The following ABHD6 variants were observed in gnomAD, a reference collection of about 807,000 sequenced individuals.
The protein encoded by ABHD6 is monoacylglycerol lipase ABHD6.
In ABHD6, 33 loss-of-function variants were observed where a neutral mutation model predicts 38.8. The ratio of observed to expected loss-of-function variants is 0.85; its 90% CI spans 0.64 to 1.14. The LOEUF (loss-of-function observed/expected upper bound fraction) is 1.14. Ranked by LOEUF, ABHD6 falls within the 50% of genes most tolerant of loss-of-function variation. ABHD6 has a pLI of 0.00. For synonymous variants in ABHD6, 147 were observed against 161.6 expected (o/e 0.91, Z 0.69); for missense variants, 380 against 422.6 (o/e 0.90, Z 0.88).
At position 58,238,512 on chromosome 3, in the gene ABHD6, C is replaced by G. The variant is rs2097420642; in HGVS notation, c.-91+596C>G. The G allele has an allele frequency of 6.6e-6, 1 of 152,472 alleles. No individual in the cohort carries two copies. The highest frequency in any genetic ancestry group is 1.5e-5 in the Non-Finnish European group (1 of 68,210). 9.4% of individuals were successfully genotyped at this position (152,472 alleles called of 1,614,324 possible). ...TCAGGATGCTGTCCAGCCAGGTACC[C>G]GCCGGCAACTTGCGGTCCCCCGCCT... On this transcript the variant is annotated intron_variant, in intron 1 of 9. Coordinates refer to ENST00000478253, the MANE Select transcript of ABHD6 (RefSeq NM_001320126.2). The surrounding 1 kb of genome is among the most constrained non-coding windows in gnomAD (Gnocchi z 6.9).
chr3:58,264,351 T>C (rs1483427748), intron 3 of ABHD6, among the ~76,000 whole-genome samples: 2 of 151,108 alleles, frequency 1.3e-5, no homozygotes, highest in Non-Finnish European at 2.9e-5. Flanking sequence ...GATTGCTTTC[T>C]TAGAAAGCCT....
chr3:58,247,765 G>T (rs540347193), intron 1 of ABHD6, among the ~76,000 whole-genome samples: 1 of 152,290 alleles, frequency 6.6e-6, no homozygotes, highest in Admixed American at 6.5e-5. Context: ...AGTGGAGTCA[G>T]GGTTTCACCG....
At chr3:58,253,142 G>A (rs1290729842) in intron 2 of ABHD6, among the ~76,000 whole-genome samples, 1 of 149,352 alleles carries the variant, frequency 6.7e-6, no homozygotes, top group African/African-American at 2.5e-5. Flanking sequence ...TGGCATTGTG[G>A]CAGGCACCGA....
intron 1 of ABHD6, among the ~76,000 whole-genome samples, chr3:58,244,387 T>A (rs2097424898): frequency 6.6e-6 from 1 of 152,204 alleles, no homozygotes; most frequent in Non-Finnish European, 1.5e-5. Flanking sequence ...AATGGCTTCT[T>A]TATGATAGCA....
At position 58,274,818 on chromosome 3, in the gene ABHD6, A is replaced by T; in HGVS notation, c.681+3A>T. The stretch of plus-strand genomic sequence containing the variant: ...TCCGCTTCAAGGTGCCCCAGCAGGT[A>T]ACGTGGTTGCAGCAGCGACACAACT... On this transcript the variant is annotated splice_donor_region_variant and intron_variant, in intron 7 of 9. Coordinates refer to ENST00000478253, the MANE Select transcript of ABHD6 (RefSeq NM_001320126.2). 1 of 1,612,670 alleles carries T rather than the reference A, an allele frequency of 6.2e-7. No individual in the cohort carries two copies. Among genetic ancestry groups the T allele is most frequent in the Non-Finnish European group, 8.5e-7 (1 of 1,179,198 alleles).
chr3:58,283,849 T>G (rs191491491), intron 7 of ABHD6, among the ~76,000 whole-genome samples: 259 of 152,332 alleles, frequency 1.7e-3, no homozygotes, highest in African/African-American at 6.0e-3. Flanking sequence ...GGTGGATAGC[T>G]GAACAAAGAA....
intron 7 of ABHD6, among the ~76,000 whole-genome samples, chr3:58,281,361 T>C (rs988756367): frequency 7.2e-5 from 11 of 152,174 alleles, no homozygotes; most frequent in African/African-American, 2.7e-4. Flanking sequence ...ACTGCTGTGC[T>C]AGCAGGGAGC....
chr3:58,269,176 A>T lies in ABHD6; in HGVS notation c.277-145A>T. 1.7e-6 allele frequency: 1 copy of T among 596,218 alleles called. No individual in the cohort carries two copies. The highest frequency in any genetic ancestry group is 3.1e-6 in the Non-Finnish European group (1 of 322,596). 36.9% of individuals were successfully genotyped at this position (596,218 alleles called of 1,614,324 possible). A position where few individuals can be genotyped will look rare whatever the true frequency, so the allele number is the denominator to read the frequency against. On this transcript the variant is annotated intron_variant, in intron 4 of 9. Coordinates refer to ENST00000478253, the MANE Select transcript of ABHD6 (RefSeq NM_001320126.2). The surrounding 1 kb of genome is among the most constrained non-coding windows in gnomAD (Gnocchi z 4.4). The stretch of plus-strand genomic sequence containing the variant: ...GGCTACTGGCAATGCTTATTCAATT[A>T]CTGGGGTAAAACACTGAGTGGCCAA...
rs11382919 is a variant in ABHD6, at chr3:58,265,003, A to ATT, written c.120-2179_120-2178dup. 3.3e-5 allele frequency among the ~76,000 whole-genome samples: 5 copies of ATT among 151,628 alleles called. No homozygotes were observed. Among genetic ancestry groups the ATT allele is most frequent in the South Asian group, 4.2e-4 (2 of 4,794 alleles). On this transcript the variant is annotated intron_variant, in intron 3 of 9. Coordinates refer to ENST00000478253, the MANE Select transcript of ABHD6 (RefSeq NM_001320126.2). The surrounding 1 kb of genome is among the most constrained non-coding windows in gnomAD (Gnocchi z 4.2). The stretch of plus-strand genomic sequence containing the variant: ...ATAGTAGGTCTTATTCATTCTTTCT[A>ATT]TTTTTTTTGTACCCATTAACCATCC...
At chr3:58,291,221 T>C (rs1344222336) in intron 9 of ABHD6, among the ~76,000 whole-genome samples, 2 of 149,324 alleles carry the variant, frequency 1.3e-5, no homozygotes, top group Non-Finnish European at 3.0e-5. Flanking sequence ...ACCAAAAAAA[T>C]ACGAAAACCA....
chr3:58,240,502 C>T (rs2097422042), intron 1 of ABHD6, among the ~76,000 whole-genome samples: 1 of 152,000 alleles, frequency 6.6e-6, no homozygotes, highest in South Asian at 2.1e-4. Flanking sequence ...TTGGAAGATG[C>T]CAGGAAGCTA....
chr3:58,283,980 GCTGGT>G (rs1314590913), intron 7 of ABHD6, among the ~76,000 whole-genome samples: 7 of 152,200 alleles, frequency 4.6e-5, no homozygotes, highest in African/African-American at 1.7e-4. Context: ...AGCAGCCATG[GCTGGT>G]TCTTCCCCAC....
At chr3:58,286,193 G>C (rs1049310175) in intron 9 of ABHD6, among the ~76,000 whole-genome samples, 2 of 152,026 alleles carry the variant, frequency 1.3e-5, no homozygotes, top group Non-Finnish European at 2.9e-5. Flanking sequence ...CTAATTTTTT[G>C]TATTTTTAGT....
In ABHD6 at chr3:58,267,921, A is replaced by C. The variant is rs2097442267; in HGVS notation, c.276+576A>C. On this transcript the variant is annotated intron_variant, in intron 4 of 9. Transcript: ENST00000478253. This position sits in a 1 kb window ranked among gnomAD's most constrained non-coding sequence, Gnocchi z 4.3. ...ATAGGGAGACTCCGTCTCTACAAAA[A>C]AATTAGCCAGGCATGGTGGCATGCA... Among the ~76,000 whole-genome samples the C allele has an allele frequency of 6.6e-6, 1 of 152,092 alleles. No homozygotes were observed. The highest frequency in any genetic ancestry group is 1.5e-5 in the Non-Finnish European group (1 of 68,018).
At chr3:58,290,490 C>T (rs2097461553) in intron 9 of ABHD6, among the ~76,000 whole-genome samples, 1 of 131,698 alleles carries the variant, frequency 7.6e-6, no homozygotes, top group South Asian at 2.7e-4. Context: ...CACCTCCCTC[C>T]CGGACGGGGC....
chr3:58,246,923 G>C (rs1335663371), intron 1 of ABHD6, among the ~76,000 whole-genome samples: 4 of 152,176 alleles, frequency 2.6e-5, no homozygotes, highest in Admixed American at 6.5e-5. Context: ...TGGGCTGCTA[G>C]GCTGCATAGT....
intron 7 of ABHD6, among the ~76,000 whole-genome samples, chr3:58,279,847 G>A (rs528365419): frequency 6.6e-6 from 1 of 152,248 alleles, no homozygotes; most frequent in Admixed American, 6.5e-5. Flanking sequence ...CCTCACTTAT[G>A]AAGCTTAGTT....
At position 58,286,840 on chromosome 3, in the gene ABHD6, G is replaced by A. The variant is rs1160743571; in HGVS notation, c.837+1387G>A. The stretch of plus-strand genomic sequence containing the variant: ...ATCATATATGTGTGTGTGTGTGTGT[G>A]TGTGTGTGTGTGTATATATATATAT... On this transcript the variant is annotated intron_variant, in intron 9 of 9. Transcript: ENST00000478253. Among the ~76,000 whole-genome samples the A allele has an allele frequency of 4.1e-3, 149 of 36,406 alleles. 2 individuals carry two copies. The highest frequency in any genetic ancestry group is 0.014 in the African/African-American group (122 of 8,436). The allele number at this position is 36,406 out of a possible 152,430, so 23.9% of individuals were successfully genotyped here.
In ABHD6 at chr3:58,274,677, C is replaced by A. The variant is rs544001235; in HGVS notation, c.543C>A (p.Asp181Glu). The A allele has an allele frequency of 6.2e-7, 1 of 1,614,142 alleles. No homozygotes were observed. The highest frequency in any genetic ancestry group is 2.2e-5 in the East Asian group (1 of 44,890). Residue 181 changes from aspartate (D) to glutamate (E), a missense_variant, in exon 7 of 10, where the codon GAC becomes GAA. Transcript: ENST00000478253. ...CCACAGGCCTGCAGTACTCAACTGA[C>A]AATCAATTTGTACAACGGCTCAAAG... ...VCPAGLQYSTDNQFVQRLKEL... is the reference protein window; with the variant it reads ...VCPAGLQYSTENQFVQRLKEL...
Sources: gnomAD v4.1 joint callset for allele counts (sites outside exome capture counted in the v4.1 genomes callset) on GRCh38, gnomAD v4.1.1 for gene constraint, Gnocchi (gnomAD v3.1) non-coding constraint, MANE v1.5 for transcripts, NCBI Gene and HGNC (gene_info 2026-07-23, HGNC 2026-07-21) for gene names.